Variants in NXPE2 observed in about 807,000 individuals in gnomAD.
The protein encoded by NXPE2 is NXPE family member 2.
A neutral mutation model predicts 34.4 loss-of-function variants in NXPE2; 34 were observed. That is an observed-to-expected ratio of 0.99 (90% CI 0.75 to 1.31). The LOEUF is 1.31. Ranked by LOEUF, NXPE2 falls within the 40% of genes most tolerant of loss-of-function variation. NXPE2 has a pLI of 0.00. For synonymous variants in NXPE2, 235 were observed against 231.3 expected (o/e 1.02, Z -0.15); for missense variants, 649 against 672.5 (o/e 0.97, Z 0.39).
chr11:114,708,419 C>A (rs571033608), downstream of NXPE2, among the ~76,000 whole-genome samples: 5 of 152,016 alleles, frequency 3.3e-5, no homozygotes, highest in African/African-American at 9.6e-5. Context: ...AGATATACAC[C>A]CTTTCTATTA....
chr11:114,747,995 A>T, the NXPE2 span, among the ~76,000 whole-genome samples: 7 of 152,248 alleles, frequency 4.6e-5, no homozygotes, highest in Admixed American at 2.0e-4. Flanking sequence ...GGTGGCCATC[A>T]TTCTACTCTC....
the NXPE2 span, among the ~76,000 whole-genome samples, chr11:114,482,147 G>A: frequency 5.9e-5 from 9 of 152,150 alleles, no homozygotes; most frequent in African/African-American, 1.4e-4. Flanking sequence ...AGCTATGCAA[G>A]GTTGAGAGGA....
the NXPE2 span, among the ~76,000 whole-genome samples, chr11:114,761,634 C>G: frequency 7.2e-6 from 1 of 139,158 alleles, no homozygotes; most frequent in Non-Finnish European, 1.5e-5. Flanking sequence ...ACGGCAGTGG[C>G]GCAATCTCGG....
At chr11:114,511,307 G>A in the NXPE2 span, among the ~76,000 whole-genome samples, 18 of 152,138 alleles carry the variant, frequency 1.2e-4, no homozygotes, top group African/African-American at 1.4e-4. Context: ...ACGTGACTTC[G>A]CCTCTCACTC....
the NXPE2 span, among the ~76,000 whole-genome samples, chr11:114,743,288 C>T: frequency 6.6e-6 from 1 of 151,934 alleles, no homozygotes; most frequent in South Asian, 2.1e-4. Flanking sequence ...GGCCTAGATT[C>T]AGCTTTGTAA....
chr11:114,648,405 C>T, the NXPE2 span, among the ~76,000 whole-genome samples: 2 of 152,274 alleles, frequency 1.3e-5, no homozygotes, highest in South Asian at 2.1e-4. Flanking sequence ...GAAGAATTCT[C>T]TCTTACTCAG....
the NXPE2 span, among the ~76,000 whole-genome samples, chr11:114,576,366 TA>T: frequency 2.6e-5 from 4 of 150,978 alleles, no homozygotes; most frequent in African/African-American, 9.7e-5. Context: ...TTAATTAAAC[TA>T]AAAACTTCTG....
chr11:114,795,642 C>T, the NXPE2 span, among the ~76,000 whole-genome samples: 3 of 152,184 alleles, frequency 2.0e-5, no homozygotes, highest in Non-Finnish European at 4.4e-5. Context: ...GTCCACTCAT[C>T]AGTTGGCATT....
chr11:114,690,652 T>C (rs1000344215), intron 2 of NXPE2, among the ~76,000 whole-genome samples: 6 of 152,184 alleles, frequency 3.9e-5, no homozygotes, highest in African/African-American at 1.4e-4. Flanking sequence ...TCTAGCAAGA[T>C]TGGGGACATT....
At chr11:114,612,786 T>C in the NXPE2 span, among the ~76,000 whole-genome samples, 3 of 151,984 alleles carry the variant, frequency 2.0e-5, 1 homozygote, top group African/African-American at 4.8e-5. Flanking sequence ...TGTTACCTGG[T>C]GGATAATAAG....
At chr11:114,734,972 T>C in the NXPE2 span, among the ~76,000 whole-genome samples, 2 of 152,046 alleles carry the variant, frequency 1.3e-5, no homozygotes, top group Non-Finnish European at 2.9e-5. Context: ...TAGCCGGGCA[T>C]GGTGGTGGGT....
chr11:114,470,351 A>G, the NXPE2 span, among the ~76,000 whole-genome samples: 1 of 152,174 alleles, frequency 6.6e-6, no homozygotes. Flanking sequence ...ATCCTTGCCA[A>G]CATTTAATAT....
chr11:114,585,010 G>A, the NXPE2 span, among the ~76,000 whole-genome samples: 1 of 152,092 alleles, frequency 6.6e-6, no homozygotes, highest in Non-Finnish European at 1.5e-5. Flanking sequence ...CTGCTTAGTA[G>A]CTTTGGAAAG....
chr11:114,598,063 A>G, the NXPE2 span, among the ~76,000 whole-genome samples: 2 of 152,106 alleles, frequency 1.3e-5, no homozygotes, highest in Admixed American at 6.5e-5. Context: ...ATACAATGGG[A>G]CTATAGGCAT....
At chr11:114,602,881 CATA>C in the NXPE2 span, among the ~76,000 whole-genome samples, 1 of 146,714 alleles carries the variant, frequency 6.8e-6, no homozygotes, top group Non-Finnish European at 1.5e-5. Flanking sequence ...ATTATAGAAA[CATA>C]ATTATCTAAT....
At chr11:114,478,840 G>A in the NXPE2 span, among the ~76,000 whole-genome samples, 13 of 152,204 alleles carry the variant, frequency 8.5e-5, no homozygotes, top group Admixed American at 6.5e-4. Context: ...AATGTCAGAT[G>A]TTGTGCCTAT....
chr11:114,592,200 G>A, the NXPE2 span, among the ~76,000 whole-genome samples: 8 of 152,018 alleles, frequency 5.3e-5, no homozygotes, highest in African/African-American at 1.9e-4. Flanking sequence ...AATAAATAAA[G>A]GGCATACAAG....
the NXPE2 span, among the ~76,000 whole-genome samples, chr11:114,465,380 G>A: frequency 1.3e-5 from 2 of 152,108 alleles, no homozygotes; most frequent in African/African-American, 4.8e-5. Context: ...TGCAAAATAA[G>A]CAGGCTGCAA....
the NXPE2 span, among the ~76,000 whole-genome samples, chr11:114,740,479 C>CA: frequency 6.6e-6 from 1 of 152,048 alleles, no homozygotes; most frequent in African/African-American, 2.4e-5. Flanking sequence ...TGTATATATA[C>CA]CCAGAAGTGG....
Sources: allele counts gnomAD v4.1 joint callset (sites outside exome capture counted in the v4.1 genomes callset), GRCh38; gene constraint gnomAD v4.1.1; transcripts MANE v1.5; gene names NCBI Gene and HGNC (gene_info 2026-07-23, HGNC 2026-07-21).